Variants in TK2 observed in about 807,000 individuals in gnomAD.
The protein encoded by TK2 is thymidine kinase 2, mitochondrial.
Under a neutral mutation model 41.9 loss-of-function variants are expected in TK2, and 35 were observed. That is an observed-to-expected ratio of 0.84 (90% CI 0.64 to 1.11). The LOEUF (loss-of-function observed/expected upper bound fraction) is 1.11, where lower values mean the gene tolerates loss of function less well. Among genes scored for constraint, TK2 ranks in the 50% least tolerant of loss-of-function variants. The pLI is 0.00. For synonymous variants in TK2, 128 were observed against 129.1 expected, an observed-to-expected ratio of 0.99 and a Z score of 0.06; for missense variants, 320 against 351.1, an observed-to-expected ratio of 0.91 and a Z score of 0.71.
At chr16:66,537,114 A>G in intron 3 of TK2, 97 bp from the exon 4 acceptor site, 2 of 1,541,256 alleles carry the variant, frequency 1.3e-6, no homozygotes, top group Admixed American at 1.7e-5. Context: ...GAAGGGAAAA[A>G]GAGAGAAAAA....
chr16:66,537,282 T>C (rs1051243591), intron 3 of TK2, among the ~76,000 whole-genome samples: 2 of 152,200 alleles, frequency 1.3e-5, no homozygotes, highest in South Asian at 2.1e-4. Flanking sequence ...AGGTACATCC[T>C]ACCTCTCTAT....
At chr16:66,516,917 G>GT (rs1964632719) in intron 8 of TK2, among the ~76,000 whole-genome samples, 1 of 152,052 alleles carries the variant, frequency 6.6e-6, no homozygotes, top group South Asian at 2.1e-4. Context: ...TTGCCAAACT[G>GT]TGAGTCAGCG....
In TK2 at chr16:66,517,187, A is replaced by G; in HGVS notation, c.567T>C (p.Cys189=). The G allele has an allele frequency of 6.2e-7, 1 of 1,614,184 alleles. No homozygotes were observed. Among genetic ancestry groups the G allele is most frequent in the Non-Finnish European group, 8.5e-7 (1 of 1,180,028 alleles). ...TGCATCTCTTCTTTAACCTCTGGTA[A>G]CAAGTCTCAGGATTGGTCCGAAGGT... ...IVYLRTNPET[C]YQRLKKRCRE... The change falls in exon 8 of 10, where the codon TGT becomes TGC. Residue 189 remains cysteine, a synonymous_variant. Transcript: ENST00000544898. This position sits in a 1 kb window ranked among gnomAD's most constrained non-coding sequence, Gnocchi z 4.3.
chr16:66,508,219 C>T lies in TK2; in HGVS notation c.*3749G>A, dbSNP rs1386730921. 6.6e-6 allele frequency: 1 copy of T among 152,192 alleles called. No individual in the cohort carries two copies. Among genetic ancestry groups the T allele is most frequent in the Non-Finnish European group, 1.5e-5 (1 of 68,034 alleles). The allele number at this position is 152,192 out of a possible 1,614,324, so 9.4% of individuals were successfully genotyped here. A position where few individuals can be genotyped will look rare whatever the true frequency, so the allele number is the denominator to read the frequency against. On this transcript the variant is annotated 3_prime_UTR_variant, in exon 10 of 10. Transcript: ENST00000544898. ...GAATGGCAATACCCATTCTGGATTC[C>T]ACGACATAGGCTTTCTCTTAGCTTC... is the stretch of plus-strand genomic sequence containing the variant.
At chr16:66,548,509 G>A (rs1487324502) in intron 2 of TK2, among the ~76,000 whole-genome samples, 5 of 152,140 alleles carry the variant, frequency 3.3e-5, no homozygotes, top group African/African-American at 1.2e-4. Context: ...CCCAGAGCCA[G>A]CATCTCAAAG....
At chr16:66,522,148 C>T (rs529959329) in intron 6 of TK2, among the ~76,000 whole-genome samples, 52 of 152,272 alleles carry the variant, frequency 3.4e-4, no homozygotes, top group African/African-American at 1.1e-3. Context: ...TTGCACCACC[C>T]GCCCACCCCA....
chr16:66,548,794 GAT>G, intron 2 of TK2, 182 bp downstream of exon 2: 1 of 633,598 alleles, frequency 1.6e-6, no homozygotes, highest in Non-Finnish European at 2.9e-6. Flanking sequence ...TCTGGGGAAA[GAT>G]ACAAGAAATT....
At chr16:66,513,507 T>A (rs571626226) in intron 9 of TK2, among the ~76,000 whole-genome samples, 1 of 152,184 alleles carries the variant, frequency 6.6e-6, no homozygotes, top group Admixed American at 6.5e-5. Context: ...CCAGGTGTGA[T>A]GGCACTGGCA....
At chr16:66,516,653 G>A (rs1440915616) in intron 8 of TK2, among the ~76,000 whole-genome samples, 1 of 152,152 alleles carries the variant, frequency 6.6e-6, no homozygotes, top group Non-Finnish European at 1.5e-5. Context: ...AACTCAGAAG[G>A]GCATGGCATC....
At position 66,513,972 on chromosome 16, in the gene TK2, C is replaced by A. The variant is rs59013184; in HGVS notation, c.619-161G>T. 45 of 701,220 alleles carry A rather than the reference C, an allele frequency of 6.4e-5. No homozygotes were observed. In the South Asian group the frequency reaches 6.6e-4, roughly 10 times the overall value. 43.4% of individuals were successfully genotyped at this position (701,220 alleles called of 1,614,324 possible). ...CCTGGCTCAAGTGGACAGCGGCAGA[C>A]GCAGCCACACACTCGGTGGCCAGGC... On this transcript the variant is annotated intron_variant, in intron 8 of 9. Transcript: ENST00000544898.
At chr16:66,519,609 G>T (rs750585788) in intron 6 of TK2, among the ~76,000 whole-genome samples, 1 of 152,204 alleles carries the variant, frequency 6.6e-6, no homozygotes, top group African/African-American at 2.4e-5. Flanking sequence ...CTGTGCCCTG[G>T]GAGGAAATGA....
intron 8 of TK2, among the ~76,000 whole-genome samples, 176 bp downstream of exon 8, chr16:66,516,960 C>A (rs978752901): frequency 6.6e-6 from 1 of 152,104 alleles, no homozygotes; most frequent in Non-Finnish European, 1.5e-5. Context: ...TGGACATCCA[C>A]GTGGGTCTCT....
intron 2 of TK2, among the ~76,000 whole-genome samples, chr16:66,545,988 A>T (rs1454849387): frequency 6.6e-6 from 1 of 152,186 alleles, no homozygotes; most frequent in Non-Finnish European, 1.5e-5. Context: ...AATGGGCACA[A>T]GGTTTCTTTT....
chr16:66,530,218 T>C (rs552761276), intron 5 of TK2, among the ~76,000 whole-genome samples: 4 of 152,354 alleles, frequency 2.6e-5, no homozygotes, highest in African/African-American at 4.8e-5. Context: ...ATGGTAGCTA[T>C]TGCTGCAGGT....
Position 66,536,965 on chromosome 16 carries a change from A to T in TK2, c.284T>A (p.Leu95Gln). The T allele has an allele frequency of 1.2e-6, 2 of 1,614,066 alleles. No homozygotes were observed. The highest frequency in any genetic ancestry group is 1.7e-6 in the Non-Finnish European group (2 of 1,179,990). The change falls in exon 4 of 10, where the codon CTG becomes CAG. Residue 95 changes from leucine (L) to glutamine (Q), a missense_variant and splice_region_variant. Transcript: ENST00000544898. The part of the protein sequence containing the change: ...KWRNVRGHNP[L>Q]GLMYHDASRW... Reference sequence around the variant, plus strand: ...TCATGCAACCAACAACCCACTCACCAGAGGATTGTGGCCACGGACATTTCT... The same window carrying T: ...TCATGCAACCAACAACCCACTCACCTGAGGATTGTGGCCACGGACATTTCT...
At chr16:66,512,887 C>T (rs16956603) in intron 9 of TK2, among the ~76,000 whole-genome samples, 9,227 of 152,278 alleles carry the variant, frequency 0.061, 387 homozygotes, top group South Asian at 0.18. Context: ...ACAGATATTC[C>T]TATGGCCACG....
Position 66,550,085 on chromosome 16 carries a change from C to T in TK2, c.-24G>A, listed in dbSNP as rs776726325. ...ATAGCCGGGCGAGCGGATCCAGAGG[C>T]CCGGGGTTCCTTCTTGTGCGAGTCG... On this transcript the variant is annotated 5_prime_UTR_variant, in exon 1 of 10. Transcript: ENST00000544898. 1.2e-6 allele frequency: 2 copies of T among 1,601,440 alleles called. No individual in the cohort carries two copies. The highest frequency in any genetic ancestry group is 1.7e-6 in the Non-Finnish European group (2 of 1,175,440).
At chr16:66,519,879 A>T (rs958050932) in intron 6 of TK2, among the ~76,000 whole-genome samples, 1 of 152,178 alleles carries the variant, frequency 6.6e-6, no homozygotes, top group Admixed American at 6.5e-5. Context: ...GGGGATGAGC[A>T]TGGAAGGAAG....
chr16:66,513,847 A>G (rs760187713), intron 8 of TK2, 36 bp from the exon 9 acceptor site: 16 of 1,590,036 alleles, frequency 1.0e-5, no homozygotes, highest in Non-Finnish European at 1.4e-5. Context: ...TCGGGAGTGG[A>G]CAGAGCAGAC....
Sources: gnomAD v4.1 joint callset for allele counts (sites outside exome capture counted in the v4.1 genomes callset) on GRCh38, gnomAD v4.1.1 for gene constraint, Gnocchi (gnomAD v3.1) non-coding constraint, MANE v1.5 for transcripts, NCBI Gene and HGNC (gene_info 2026-07-23, HGNC 2026-07-21) for gene names.